SDK1: variants seen among roughly 807,000 people sequenced by gnomAD.
SDK1 encodes sidekick cell adhesion molecule 1.
Under a neutral mutation model 245.5 loss-of-function variants are expected in SDK1, and 157 were observed. The observed-to-expected ratio is 0.64, with a 90% CI of 0.56 to 0.73. SDK1 has a LOEUF of 0.73. SDK1 is among the 30% of genes least tolerant of loss of function. The probability of loss-of-function intolerance (pLI) is 0.00; values close to 1 mark genes in which losing one functional copy is unlikely to be tolerated. For missense variants in SDK1, 3,583 were observed against 3,002.3 expected (o/e 1.19, Z -4.52); for synonymous variants, 1,647 against 1,278.5 (o/e 1.29, Z -6.15).
intron 4 of SDK1, among the ~76,000 whole-genome samples, chr7:3,810,640 C>A (rs1779360991): frequency 6.6e-6 from 1 of 152,140 alleles, no homozygotes; most frequent in Non-Finnish European, 1.5e-5. Flanking sequence ...TGAAATAAAT[C>A]CTTCACTAGT....
Position 3,974,441 on chromosome 7 carries a change from G to A in SDK1, c.1890G>A (p.Gly630=), listed in dbSNP as rs1275478811. ...CTAGGATCGTGGTGGAGAAGGACGG[G>A]TCCCTTCTCATCAGCCAGACGTGGT... ...STSRIVVEKD[G]SLLISQTWSG... is the part of the protein sequence containing the mutation. The change falls in exon 13 of 45, where the codon GGG becomes GGA. Residue 630 remains glycine (G), a synonymous_variant. Transcript: ENST00000404826. 24 of 1,613,842 alleles carry A rather than the reference G, an allele frequency of 1.5e-5. No individual in the cohort carries two copies. The highest frequency in any genetic ancestry group is 1.9e-5 in the Non-Finnish European group (22 of 1,179,852).
intron 19 of SDK1, among the ~76,000 whole-genome samples, chr7:4,059,478 C>G (rs541639970): frequency 6.6e-6 from 1 of 152,268 alleles, no homozygotes; most frequent in Admixed American, 6.5e-5. Context: ...GGAGAGACAG[C>G]AATACAATAA....
intron 5 of SDK1, among the ~76,000 whole-genome samples, chr7:3,919,314 C>T (rs1204495656): frequency 6.6e-6 from 1 of 152,178 alleles, no homozygotes; most frequent in Non-Finnish European, 1.5e-5. Context: ...GCCTTGCAGC[C>T]CGTGTGGGTG....
intron 35 of SDK1, among the ~76,000 whole-genome samples, chr7:4,184,339 T>A (rs777135052): frequency 1.3e-5 from 2 of 152,174 alleles, no homozygotes; most frequent in Non-Finnish European, 2.9e-5. Context: ...CACGGGCAAG[T>A]CACTTAACCC....
intron 4 of SDK1, among the ~76,000 whole-genome samples, chr7:3,684,040 C>G (rs142715386): frequency 5.5e-4 from 84 of 152,294 alleles, no homozygotes; most frequent in African/African-American, 1.9e-3. Context: ...CTGCTCCACT[C>G]AAGCGTTCAG....
Position 4,149,297 on chromosome 7 carries a change from C to T in SDK1, c.4459C>T (p.Gln1487Ter). The T allele has an allele frequency of 1.3e-6, 2 of 1,562,406 alleles. No individual in the cohort carries two copies. Among genetic ancestry groups the T allele is most frequent in the Non-Finnish European group, 1.7e-6 (2 of 1,153,902 alleles). Residue 1487 changes from glutamine to a stop codon, truncating the protein, a stop_gained, in exon 30 of 45, where the codon CAG becomes TAG. Transcript: ENST00000404826. LOFTEE classifies it high-confidence loss of function. ...ACCCCCCAGAGAGCTCCTGGTGCCC[C>T]AGGCAGAAGTGACCGCACGCAGCCT... ...PAPPRELLVP[Q>*]AEVTARSLRL...
At chr7:4,107,143 T>TGGGGAGGGTGGGGAGGGG (rs1782982536) in intron 22 of SDK1, among the ~76,000 whole-genome samples, 2 of 3,828 alleles carry the variant, frequency 5.2e-4, no homozygotes, top group Non-Finnish European at 6.6e-4. Flanking sequence ...GTGGGGAGGG[T>TGGGGAGGGTGGGGAGGGG]GGGGAGGGTG....
rs867286188 is a variant in SDK1 at position 3,338,377 on chromosome 7, C to G, written c.298+36493C>G. The G allele has an allele frequency of 8.0e-5, 42 of 524,090 alleles. 2 individuals are homozygous for G. Among genetic ancestry groups the G allele is most frequent in the South Asian group, 6.8e-4 (40 of 59,136 alleles). 32.5% of individuals were successfully genotyped at this position (524,090 alleles called of 1,614,324 possible). On this transcript the variant is annotated intron_variant, in intron 1 of 44. Transcript: ENST00000404826. ...AAACAAGGTCAGGGCACGACTCTTG[C>G]CAAGAGAACTAATGTGCGTGTTGAG...
chr7:3,416,284 G>T (rs550607897), intron 1 of SDK1, among the ~76,000 whole-genome samples: 4 of 152,082 alleles, frequency 2.6e-5, no homozygotes, highest in East Asian at 1.9e-4. Context: ...TTGCCGTTCA[G>T]GGAGGAGTTG....
intron 4 of SDK1, among the ~76,000 whole-genome samples, chr7:3,720,387 A>G (rs1357205360): frequency 6.6e-6 from 1 of 152,226 alleles, no homozygotes; most frequent in East Asian, 1.9e-4. Context: ...TTAGAACTCA[A>G]CATTAAAAAC....
chr7:3,774,571 G>A (rs995231853), intron 4 of SDK1, among the ~76,000 whole-genome samples: 3 of 152,210 alleles, frequency 2.0e-5, no homozygotes, highest in African/African-American at 7.2e-5. Flanking sequence ...TCTTCTGGAA[G>A]TTGGAAGCCT....
In SDK1 at chr7:3,451,220, T is replaced by C. The variant is rs931211117; in HGVS notation, c.298+149336T>C. ...AGGGATGGGGGAGAGGGTGAAAATA[T>C]AGGAGAAAGGGGCAATTGTTGTGAA... On this transcript the variant is annotated intron_variant, in intron 1 of 44. Coordinates refer to ENST00000404826, the MANE Select transcript of SDK1 (RefSeq NM_152744.4). Among the ~76,000 whole-genome samples, 11 of 151,866 alleles carry C rather than the reference T, an allele frequency of 7.2e-5. No individual in the cohort carries two copies. In the South Asian group the frequency reaches 1.9e-3, roughly 26 times the overall value.
intron 40 of SDK1, among the ~76,000 whole-genome samples, chr7:4,225,595 A>G (rs1785389574): frequency 6.6e-6 from 1 of 152,220 alleles, no homozygotes; most frequent in African/African-American, 2.4e-5. Flanking sequence ...CGAAGGGAAC[A>G]GGACGCCTGT....
intron 1 of SDK1, among the ~76,000 whole-genome samples, chr7:3,577,351 C>G (rs1043506522): frequency 2.0e-5 from 3 of 152,060 alleles, no homozygotes; most frequent in Admixed American, 6.5e-5. Flanking sequence ...GGATAGGTAT[C>G]CAGGCCAAGG....
intron 5 of SDK1, among the ~76,000 whole-genome samples, chr7:3,945,860 C>T (rs147495004): frequency 2.0e-4 from 25 of 124,822 alleles, no homozygotes; most frequent in Non-Finnish European, 1.3e-4. Flanking sequence ...GATCGTGCCA[C>T]TGCACTCCAG....
intron 1 of SDK1, among the ~76,000 whole-genome samples, chr7:3,466,484 G>T (rs1440263759): frequency 1.4e-5 from 2 of 147,624 alleles, no homozygotes; most frequent in African/African-American, 2.5e-5. Context: ...CAAGGATCCA[G>T]CTAAGTTGTG....
At chr7:4,216,392 C>T (rs919687379) in intron 38 of SDK1, among the ~76,000 whole-genome samples, 4 of 152,212 alleles carry the variant, frequency 2.6e-5, no homozygotes, top group East Asian at 1.9e-4. Flanking sequence ...GCTGCACTCC[C>T]GTCTGCTCCT....
intron 35 of SDK1, among the ~76,000 whole-genome samples, chr7:4,198,627 C>G (rs908403223): frequency 1.3e-5 from 2 of 152,122 alleles, no homozygotes; most frequent in Admixed American, 6.5e-5. Context: ...CAACAAAGCC[C>G]TTACATCCCT....
At chr7:4,008,898 C>G (rs1487052316) in intron 14 of SDK1, among the ~76,000 whole-genome samples, 1 of 152,140 alleles carries the variant, frequency 6.6e-6, no homozygotes, top group Non-Finnish European at 1.5e-5. Context: ...CTTTCTGTTC[C>G]TTTGAGTGTA....
Sources: allele counts gnomAD v4.1 joint callset (sites outside exome capture counted in the v4.1 genomes callset), GRCh38; gene constraint gnomAD v4.1.1; transcripts MANE v1.5; gene names NCBI Gene and HGNC (gene_info 2026-07-23, HGNC 2026-07-21).